Variants in SPATS2L observed in about 807,000 individuals in gnomAD.
The protein encoded by SPATS2L is spermatogenesis associated serine rich 2 like, also known as SPATS2-like protein.
Under a neutral mutation model 59.6 loss-of-function variants are expected in SPATS2L, and 30 were observed. The observed-to-expected ratio is 0.50, with a 90% CI of 0.38 to 0.68. The LOEUF is 0.68. Ranked by LOEUF, SPATS2L falls within the 30% of genes least tolerant of loss-of-function variation. The probability of loss-of-function intolerance (pLI) is 0.00; values close to 1 mark genes in which losing one functional copy is unlikely to be tolerated. For synonymous variants in SPATS2L, 252 were observed against 263.5 expected (o/e 0.96, Z 0.42); for missense variants, 615 against 700.0 (o/e 0.88, Z 1.37).
intron 2 of SPATS2L, among the ~76,000 whole-genome samples, chr2:200,384,388 C>T (rs987285401): frequency 6.6e-6 from 1 of 151,976 alleles, no homozygotes; most frequent in Admixed American, 6.5e-5. Flanking sequence ...GAGTCTTGCT[C>T]TGTCGCCCAG....
intron 8 of SPATS2L, among the ~76,000 whole-genome samples, chr2:200,451,182 A>G (rs1173906624): frequency 2.0e-5 from 3 of 151,378 alleles, no homozygotes; most frequent in Non-Finnish European, 4.4e-5. Flanking sequence ...TTAGCTGGGT[A>G]TGGTGGTGTA....
chr2:200,469,925 C>T lies in SPATS2L; in HGVS notation c.969C>T (p.Ser323=), dbSNP rs181690993. The T allele has an allele frequency of 1.1e-5, 18 of 1,609,162 alleles. 1 individual carries two copies. In the African/African-American group the frequency reaches 1.5e-4, roughly 13 times the overall value. ...TCTCTTTCCTCCAGCACTTTGTCAG[C>T]GAGCGTAAATATGACGAGGAGCTCG... The part of the protein sequence containing the change: ...ELRAEIKHFV[S]ERKYDEELGK... The change falls in exon 11 of 13, where the codon AGC becomes AGT. Residue 323 remains serine (S), a synonymous_variant. Coordinates refer to ENST00000409140, the MANE Select transcript of SPATS2L (RefSeq NM_001100423.2).
chr2:200,433,479 T>A (rs567549879), intron 6 of SPATS2L, among the ~76,000 whole-genome samples: 1 of 152,074 alleles, frequency 6.6e-6, no homozygotes, highest in Non-Finnish European at 1.5e-5. Context: ...TAGAATTGAA[T>A]TAACAATAGC....
At chr2:200,337,919 A>C (rs1277186501) in intron 2 of SPATS2L, among the ~76,000 whole-genome samples, 1 of 152,096 alleles carries the variant, frequency 6.6e-6, no homozygotes, top group Non-Finnish European at 1.5e-5. Flanking sequence ...CATAAGACAT[A>C]CTCAATTAGT....
At chr2:200,412,272 G>A in intron 3 of SPATS2L, 39 bp from the exon 4 acceptor site, 1 of 1,214,158 alleles carries the variant, frequency 8.2e-7, no homozygotes, top group Non-Finnish European at 1.1e-6. Context: ...TATTTAAAGT[G>A]TTCACATTTC....
chr2:200,334,781 ATTTCTT>A (rs2080084413), intron 2 of SPATS2L, among the ~76,000 whole-genome samples: 9 of 152,022 alleles, frequency 5.9e-5, no homozygotes, highest in African/African-American at 2.2e-4. Flanking sequence ...TCCTTTCCCC[ATTTCTT>A]GTTTTTGTCA....
intron 5 of SPATS2L, among the ~76,000 whole-genome samples, chr2:200,416,896 AAAG>A (rs751971677): frequency 3.9e-5 from 6 of 152,188 alleles, no homozygotes; most frequent in Non-Finnish European, 7.4e-5. Context: ...ATCATTAATA[AAAG>A]AAGAAGAAAA....
intron 1 of SPATS2L, 26 bp downstream of exon 1, chr2:200,306,948 G>A (rs1057090365): frequency 6.1e-6 from 6 of 982,868 alleles, no homozygotes; most frequent in African/African-American, 1.8e-5. Context: ...CCTCCACGCC[G>A]GGCCGGCTGG....
At chr2:200,441,261 A>G (rs990590154) in intron 8 of SPATS2L, among the ~76,000 whole-genome samples, 6 of 152,222 alleles carry the variant, frequency 3.9e-5, no homozygotes, top group South Asian at 2.1e-4. Flanking sequence ...AACATGGTGC[A>G]TCAATATGGT....
intron 2 of SPATS2L, among the ~76,000 whole-genome samples, chr2:200,372,485 A>AAACAAAAT (rs2081460271): frequency 2.6e-5 from 4 of 152,132 alleles, no homozygotes; most frequent in Admixed American, 1.3e-4. Context: ...CTCACTGGGA[A>AAACAAAAT]GTGGGGAGCA....
At chr2:200,388,631 A>G (rs879748318) in intron 2 of SPATS2L, among the ~76,000 whole-genome samples, 2 of 149,868 alleles carry the variant, frequency 1.3e-5, no homozygotes, top group Non-Finnish European at 1.5e-5. Flanking sequence ...CCACCCAGAA[A>G]AAGACTACAG....
At chr2:200,396,009 T>TG (rs1413356013) in intron 3 of SPATS2L, among the ~76,000 whole-genome samples, 7 of 17,190 alleles carry the variant, frequency 4.1e-4, no homozygotes, top group African/African-American at 1.7e-3. Context: ...AGACTCGATC[T>TG]GGAAAAAAAA....
At chr2:200,391,307 G>A (rs2082166744) in intron 3 of SPATS2L, among the ~76,000 whole-genome samples, 1 of 152,228 alleles carries the variant, frequency 6.6e-6, no homozygotes, top group African/African-American at 2.4e-5. Context: ...TACTGTAGTT[G>A]AAGAACCTTG....
rs2087754616 is a variant in SPATS2L, at chr2:200,480,640, GA to G, written c.*2611del. On this transcript the variant is annotated 3_prime_UTR_variant, in exon 13 of 13. Transcript: ENST00000409140. Reference sequence around the variant, plus strand: ...CCTGCTTTGGCCTCCCAAAGTGTTAGAATTACAGGCATGAGCCACCTCGCCT... The same window carrying G: ...CCTGCTTTGGCCTCCCAAAGTGTTAGATTACAGGCATGAGCCACCTCGCCT... 6.6e-6 allele frequency: 1 copy of G among 152,428 alleles called. No homozygotes were observed. Among genetic ancestry groups the G allele is most frequent in the Non-Finnish European group, 1.5e-5 (1 of 68,076 alleles). The allele number at this position is 152,428 out of a possible 1,614,324, so 9.4% of individuals were successfully genotyped here.
chr2:200,324,591 C>A (rs1013028652), intron 1 of SPATS2L, among the ~76,000 whole-genome samples: 1 of 152,112 alleles, frequency 6.6e-6, no homozygotes, highest in Admixed American at 6.6e-5. Context: ...GAAATCAGGT[C>A]TTGAAAGGAA....
intron 8 of SPATS2L, among the ~76,000 whole-genome samples, chr2:200,442,085 C>A (rs1049353199): frequency 6.6e-6 from 1 of 152,128 alleles, no homozygotes; most frequent in African/African-American, 2.4e-5. Context: ...GAGGATTCAT[C>A]TACCTCCCCC....
At chr2:200,456,423 T>G (rs2085837611) in intron 8 of SPATS2L, among the ~76,000 whole-genome samples, 1 of 152,156 alleles carries the variant, frequency 6.6e-6, no homozygotes, top group African/African-American at 2.4e-5. Context: ...GATTAACAAT[T>G]TATTGTGTAA....
intron 4 of SPATS2L, among the ~76,000 whole-genome samples, chr2:200,413,624 A>G (rs1284372573): frequency 2.0e-5 from 3 of 152,220 alleles, no homozygotes; most frequent in Non-Finnish European, 4.4e-5. Flanking sequence ...TCTCAGTTGT[A>G]TCCTATTTAC....
chr2:200,394,317 C>A (rs1364651132), intron 3 of SPATS2L, among the ~76,000 whole-genome samples: 1 of 152,192 alleles, frequency 6.6e-6, no homozygotes, highest in Non-Finnish European at 1.5e-5. Flanking sequence ...GCTGTTTCCT[C>A]TGTCTGGGAT....
Sources: gnomAD v4.1 joint callset for allele counts (sites outside exome capture counted in the v4.1 genomes callset) on GRCh38, gnomAD v4.1.1 for gene constraint, MANE v1.5 for transcripts, NCBI Gene and HGNC (gene_info 2026-07-23, HGNC 2026-07-21) for gene names.